Variants in CHRD observed in about 807,000 individuals in gnomAD.
CHRD encodes chordin.
Under a neutral mutation model 113.7 loss-of-function variants are expected in CHRD, and 69 were observed. The observed-to-expected ratio is 0.61, with a 90% CI of 0.50 to 0.74. CHRD has a LOEUF of 0.74. Among genes scored for constraint, CHRD ranks in the 30% least tolerant of loss-of-function variants. CHRD has a pLI of 0.00. For synonymous variants in CHRD, 561 were observed against 540.8 expected (o/e 1.04, Z -0.52); for missense variants, 1,194 against 1,295.8 (o/e 0.92, Z 1.21).
chr3:184,386,108 C>T (rs1384150949), exon 15 of CHRD: 4 of 1,614,244 alleles, frequency 2.5e-6, no homozygotes, highest in Non-Finnish European at 3.4e-6. Flanking sequence ...AAGGCATGGC[C>T]TCCCTGATGA....
Position 184,384,766 on chromosome 3 carries a change from G to A in CHRD, c.1597+73G>A. The A allele has an allele frequency of 6.7e-7, 1 of 1,486,724 alleles. No individual in the cohort carries two copies. Among genetic ancestry groups the A allele is most frequent in the Non-Finnish European group, 8.9e-7 (1 of 1,118,650 alleles). 92.1% of individuals were successfully genotyped at this position (1,486,724 alleles called of 1,614,324 possible). A position where few individuals can be genotyped will look rare whatever the true frequency, so the allele number is the denominator to read the frequency against. The stretch of plus-strand genomic sequence containing the variant: ...TGAGGGATGGTGGCAGACAGCCGGA[G>A]CCTGGTGTGTCTTTCTTTGTGCCTA... On this transcript the variant is annotated intron_variant, in intron 13 of 22. Transcript: ENST00000204604. The surrounding 1 kb of genome is among the most constrained non-coding windows in gnomAD (Gnocchi z 4.4).
At position 184,380,735 on chromosome 3, in the gene CHRD, G is replaced by A; in HGVS notation, c.192G>A (p.Trp64Ter). The A allele has an allele frequency of 6.3e-7, 1 of 1,599,506 alleles. No individual in the cohort carries two copies. The highest frequency in any genetic ancestry group is 2.3e-5 in the East Asian group (1 of 44,168). Residue 64 changes from tryptophan (W) to a stop codon, truncating the protein, a stop_gained, in exon 2 of 23, where the codon TGG becomes TGA. Transcript: ENST00000204604. LOFTEE classifies it high-confidence loss of function. This position sits in a 1 kb window ranked among gnomAD's most constrained non-coding sequence, Gnocchi z 6.3. ...AGGTCTATGCCTTGGACGAGACGTG[G>A]CACCCGGACCTAGGGGAGCCATTCG...
chr3:184,385,912 A>G, intron 14 of CHRD, 134 bp from the exon 15 acceptor site: 1 of 879,572 alleles, frequency 1.1e-6, no homozygotes, highest in African/African-American at 1.7e-5. Flanking sequence ...GCTCCACACT[A>G]TTGCCAATGG....
exon 16 of CHRD, chr3:184,386,532 T>A: frequency 6.5e-7 from 1 of 1,536,676 alleles, no homozygotes; most frequent in Non-Finnish European, 8.7e-7. Context: ...GGACTGCGCC[T>A]GGAGGCGGCC....
At position 184,386,625 on chromosome 3, in the gene CHRD, C is replaced by T. The variant is rs372203346; in HGVS notation, c.2066C>T (p.Ala689Val). Residue 689 changes from alanine to valine, a missense_variant, in exon 16 of 23, where the codon GCG becomes GTG. Ala to Val is a moderately conservative substitution (Grantham distance 64). Coordinates refer to ENST00000204604, the Ensembl canonical transcript of CHRD. ...GTGGTGCCTGGTCTCCCGGCCCTAG[C>T]GCCCGCCAAACCTGGTGGTCCTGGG... is the stretch of plus-strand genomic sequence containing the variant. 4.9e-5 allele frequency: 79 copies of T among 1,608,452 alleles called. No homozygotes were observed. In the South Asian group the frequency reaches 6.5e-4, roughly 13 times the overall value.
chr3:184,386,378 C>T, intron 15 of CHRD, 114 bp from the exon 16 acceptor site: 2 of 1,427,818 alleles, frequency 1.4e-6, no homozygotes, highest in Non-Finnish European at 1.9e-6. Flanking sequence ...TGGCATCCTC[C>T]TGGGCCACTG....
At chr3:184,385,104 C>T in exon 14 of CHRD, 1 of 1,614,172 alleles carries the variant, frequency 6.2e-7, no homozygotes, top group Non-Finnish European at 8.5e-7. Context: ...CTTGGATACC[C>T]ACTGTCACCT....
rs1463222819 is a variant in CHRD at position 184,384,758 on chromosome 3, C to T, written c.1597+65C>T. On this transcript the variant is annotated intron_variant, in intron 13 of 22. Transcript: ENST00000204604. This position sits in a 1 kb window ranked among gnomAD's most constrained non-coding sequence, Gnocchi z 4.4. Reference sequence around the variant, plus strand: ...AGAACATTTGAGGGATGGTGGCAGACAGCCGGAGCCTGGTGTGTCTTTCTT... The same window carrying T: ...AGAACATTTGAGGGATGGTGGCAGATAGCCGGAGCCTGGTGTGTCTTTCTT... The T allele has an allele frequency of 4.0e-5, 60 of 1,492,130 alleles. No homozygotes were observed. The highest frequency in any genetic ancestry group is 5.4e-5 in the Non-Finnish European group (60 of 1,121,358). The allele number at this position is 1,492,130 out of a possible 1,614,324, so 92.4% of individuals were successfully genotyped here. A position where few individuals can be genotyped will look rare whatever the true frequency, so the allele number is the denominator to read the frequency against.
In CHRD at chr3:184,384,651, G is replaced by A. The variant is rs766411915; in HGVS notation, c.1555G>A (p.Val519Met). ...CCCAGACGGAGAGCTTCGGGGGCAC[G>A]TGGCTGCCCTGCCCTACTGTGGGCA... Residue 519 changes from valine (V) to methionine (M), a missense_variant, in exon 13 of 23, where the codon GTG becomes ATG. Val to Met is a conservative substitution (Grantham distance 21, BLOSUM62 1). Coordinates refer to ENST00000204604, the Ensembl canonical transcript of CHRD. This position sits in a 1 kb window ranked among gnomAD's most constrained non-coding sequence, Gnocchi z 4.4. 4.4e-6 allele frequency: 7 copies of A among 1,600,532 alleles called. No individual in the cohort carries two copies. The highest frequency in any genetic ancestry group is 4.5e-5 in the East Asian group (2 of 44,624).
chr3:184,388,237 G>GTCCATCCATCCA lies in CHRD; in HGVS notation c.2554+240_2554+251dup, dbSNP rs3064288. Among the ~76,000 whole-genome samples the GTCCATCCATCCA allele has an allele frequency of 6.5e-4, 90 of 138,062 alleles. 1 individual carries two copies. Among genetic ancestry groups the GTCCATCCATCCA allele is most frequent in the South Asian group, 3.6e-3 (15 of 4,200 alleles). The allele number at this position is 138,062 out of a possible 152,430, so 90.6% of individuals were successfully genotyped here. On this transcript the variant is annotated intron_variant, in intron 20 of 22. Coordinates refer to ENST00000204604, the Ensembl canonical transcript of CHRD. The surrounding 1 kb of genome is among the most constrained non-coding windows in gnomAD (Gnocchi z 6.1). The stretch of plus-strand genomic sequence containing the variant: ...GTTCTGGTTCCTGCTCCATCCATCC[G>GTCCATCCATCCA]TCCATCCATCCATCCATCCATCCAT...
At chr3:184,389,329 T>A in intron 22 of CHRD, 38 bp from the exon 23 acceptor site, 1 of 1,601,706 alleles carries the variant, frequency 6.2e-7, no homozygotes, top group South Asian at 1.1e-5. Context: ...CTCCACTCCC[T>A]CTCCCCTCCT....
In CHRD at chr3:184,381,242, G is replaced by T. The variant is rs767859402; in HGVS notation, c.260G>T (p.Trp87Leu). Residue 87 changes from tryptophan (W) to leucine (L), a missense_variant, in exon 3 of 23, where the codon TGG becomes TTG. Physicochemically the swap from Trp to Leu is moderately conservative, Grantham distance 61. Transcript: ENST00000204604. This position sits in a 1 kb window ranked among gnomAD's most constrained non-coding sequence, Gnocchi z 4.7. ...CGCCTTTTCCGGGAGCAGCCTCAGT[G>T]GGGTCGCCGTACCAGGGGCCCTGGC... is the stretch of plus-strand genomic sequence containing the variant. The T allele has an allele frequency of 1.2e-6, 2 of 1,613,322 alleles. No individual in the cohort carries two copies. Among genetic ancestry groups the T allele is most frequent in the Admixed American group, 3.3e-5 (2 of 60,022 alleles).
chr3:184,383,070 C>G, exon 10 of CHRD: 1 of 1,611,702 alleles, frequency 6.2e-7, no homozygotes, highest in Non-Finnish European at 8.5e-7. Context: ...GATGGACTGG[C>G]TGGTGCTGGG....
Position 184,383,427 on chromosome 3 carries a change from C to G in CHRD, c.1320+9C>G, listed in dbSNP as rs1577393126. The G allele has an allele frequency of 1.2e-6, 2 of 1,613,652 alleles. No individual in the cohort carries two copies. Among genetic ancestry groups the G allele is most frequent in the South Asian group, 2.2e-5 (2 of 91,056 alleles). On this transcript the variant is annotated intron_variant, in intron 11 of 22. Coordinates refer to ENST00000204604, the Ensembl canonical transcript of CHRD. ...GCTCCCTGATCTATCAGGTAAGAGC[C>G]AGGGGCTGCAGAAGGTGGGGGAGGG... is the stretch of plus-strand genomic sequence containing the variant.
Position 184,388,494 on chromosome 3 carries a change from C to T in CHRD, c.2555-93C>T, listed in dbSNP as rs931525374. 6 of 1,429,048 alleles carry T rather than the reference C, an allele frequency of 4.2e-6. No homozygotes were observed. The African/African-American group carries it at 8.5e-5, about 20-fold the overall frequency. 88.5% of individuals were successfully genotyped at this position (1,429,048 alleles called of 1,614,324 possible). A position where few individuals can be genotyped will look rare whatever the true frequency, so the allele number is the denominator to read the frequency against. On this transcript the variant is annotated intron_variant, in intron 20 of 22. Transcript: ENST00000204604. This position sits in a 1 kb window ranked among gnomAD's most constrained non-coding sequence, Gnocchi z 6.1. ...ATCCAAATTTATCACCTACTAAGTG[C>T]CAGAAACTGCAACGTGCTGGGTATT... is the stretch of plus-strand genomic sequence containing the variant.
Position 184,388,593 on chromosome 3 carries a change from CG to C in CHRD, c.2566del (p.Ala856ProfsTer40). The stretch of plus-strand genomic sequence containing the variant: ...TCTCTTTCCCTCTCAACAGTGGGGT[CG>C]GGGGCCCACCCCCAGCTGGGGGACC... On this transcript the variant is annotated frameshift_variant, in exon 21 of 23. Transcript: ENST00000204604. LOFTEE classifies it high-confidence loss of function. This position sits in a 1 kb window ranked among gnomAD's most constrained non-coding sequence, Gnocchi z 6.1. 2 of 1,609,898 alleles carry C rather than the reference CG, an allele frequency of 1.2e-6. No individual in the cohort carries two copies. The highest frequency in any genetic ancestry group is 8.5e-7 in the Non-Finnish European group (1 of 1,179,768).
Position 184,388,200 on chromosome 3 carries a change from G to A in CHRD, c.2554+167G>A, listed in dbSNP as rs1474219066. ...AGTGGAAAGAATGTGATATACTAGTGGGGTATGATGGGTTCTGGTTCCTGC... is the reference window on the plus strand; with the variant it reads ...AGTGGAAAGAATGTGATATACTAGTAGGGTATGATGGGTTCTGGTTCCTGC... On this transcript the variant is annotated intron_variant, in intron 20 of 22. Coordinates refer to ENST00000204604, the Ensembl canonical transcript of CHRD. The surrounding 1 kb of genome is among the most constrained non-coding windows in gnomAD (Gnocchi z 6.1). 3.3e-5 allele frequency among the ~76,000 whole-genome samples: 5 copies of A among 151,994 alleles called. No individual in the cohort carries two copies. The highest frequency in any genetic ancestry group is 7.4e-5 in the Non-Finnish European group (5 of 68,012).
rs898032956 is a variant in CHRD, at chr3:184,385,341, A to G, written c.1818+103A>G. 1.4e-5 allele frequency: 11 copies of G among 803,366 alleles called. No individual in the cohort carries two copies. The African/African-American group carries it at 1.9e-4, about 14-fold the overall frequency. 49.8% of individuals were successfully genotyped at this position (803,366 alleles called of 1,614,324 possible). A position where few individuals can be genotyped will look rare whatever the true frequency, so the allele number is the denominator to read the frequency against. On this transcript the variant is annotated intron_variant, in intron 14 of 22. Coordinates refer to ENST00000204604, the Ensembl canonical transcript of CHRD. ...GAAAGCAGAGAGCAGGCAGCCTGGT[A>G]TAGAAGAGCTGGCATAAATAAAATA...
chr3:184,388,599 C>A lies in CHRD; in HGVS notation c.2567C>A (p.Ala856Asp). 6.2e-7 allele frequency: 1 copy of A among 1,610,678 alleles called. No individual in the cohort carries two copies. Residue 856 changes from alanine (A) to aspartate (D), a missense_variant, in exon 21 of 23, where the codon GCC (alanine) becomes GAC (aspartate). Ala to Asp is a moderately radical substitution (Grantham distance 126). Transcript: ENST00000204604. The surrounding 1 kb of genome is among the most constrained non-coding windows in gnomAD (Gnocchi z 6.1). The stretch of plus-strand genomic sequence containing the variant: ...TCCCTCTCAACAGTGGGGTCGGGGG[C>A]CCACCCCCAGCTGGGGGACCCCATG...
Sources: gnomAD v4.1 joint callset for allele counts (sites outside exome capture counted in the v4.1 genomes callset) on GRCh38, gnomAD v4.1.1 for gene constraint, Gnocchi (gnomAD v3.1) non-coding constraint, MANE v1.5 for transcripts, NCBI Gene and HGNC (gene_info 2026-07-23, HGNC 2026-07-21) for gene names.